VWA5B1: variants seen among roughly 807,000 people sequenced by gnomAD.
VWA5B1 encodes von Willebrand factor A domain containing 5B1.
A neutral mutation model predicts 118.2 loss-of-function variants in VWA5B1; 115 were observed. The ratio of observed to expected loss-of-function variants is 0.97; its 90% CI spans 0.84 to 1.14. VWA5B1 has a LOEUF of 1.14. Ranked by LOEUF, VWA5B1 falls within the 50% of genes most tolerant of loss-of-function variation. VWA5B1 has a pLI of 0.00. For missense variants in VWA5B1, 1,596 were observed against 1,603.8 expected, an observed-to-expected ratio of 1.00 and a Z score of 0.08; for synonymous variants, 682 against 658.4, an observed-to-expected ratio of 1.04 and a Z score of -0.55.
chr1:20,320,380 G>A (rs1388499129), intron 7 of VWA5B1, among the ~76,000 whole-genome samples: 1 of 152,236 alleles, frequency 6.6e-6, no homozygotes. Context: ...GGCAAGGTGG[G>A]GAAGTGGACA....
intron 16 of VWA5B1, among the ~76,000 whole-genome samples, 152 bp downstream of exon 16, chr1:20,343,545 C>T (rs1360072642): frequency 6.8e-6 from 1 of 147,778 alleles, no homozygotes; most frequent in African/African-American, 2.5e-5. Flanking sequence ...CCACCCCCTC[C>T]TCACAGCCCC....
chr1:20,343,188 G>A lies in VWA5B1; in HGVS notation c.2421G>A (p.Pro807=), dbSNP rs1164502634. 3.9e-6 allele frequency: 6 copies of A among 1,549,358 alleles called. No homozygotes were observed. The highest frequency in any genetic ancestry group is 2.4e-5 in the South Asian group (2 of 84,000). Residue 807 remains proline, a synonymous_variant, in exon 16 of 22, where the codon CCG becomes CCA. Coordinates refer to ENST00000289815, the MANE Select transcript of VWA5B1 (RefSeq NM_001039500.3). ...ASPSRPATPA[P]VLGKALVKGL... is the part of the protein sequence containing the mutation. ...CCAGCAGGCCCGCCACCCCGGCCCC[G>A]GTGCTGGGCAAGGCCCTGGTCAAAG...
chr1:20,319,037 G>A (rs973255623), intron 6 of VWA5B1, among the ~76,000 whole-genome samples: 5 of 152,198 alleles, frequency 3.3e-5, no homozygotes, highest in African/African-American at 1.2e-4. Flanking sequence ...TGATACCCTG[G>A]AAATTCTGTA....
intron 7 of VWA5B1, among the ~76,000 whole-genome samples, chr1:20,320,603 T>C (rs2100878614): frequency 6.6e-6 from 1 of 152,346 alleles, no homozygotes; most frequent in South Asian, 2.1e-4. Context: ...CCTTAAATAA[T>C]TGGCTCGGGG....
At chr1:20,299,514 G>A (rs559430068) in intron 1 of VWA5B1, among the ~76,000 whole-genome samples, 95 of 152,188 alleles carry the variant, frequency 6.2e-4, no homozygotes, top group African/African-American at 2.2e-3. Flanking sequence ...AGCGATTCTC[G>A]TGCCTTAGCC....
intron 1 of VWA5B1, chr1:20,303,031 G>C (rs1208128617): frequency 6.6e-6 from 1 of 152,220 alleles, no homozygotes; most frequent in Non-Finnish European, 1.5e-5. Flanking sequence ...CAGAATTCTA[G>C]AAGGTTAGGA....
At chr1:20,351,063 C>A in intron 20 of VWA5B1, 137 bp downstream of exon 20, 1 of 752,796 alleles carries the variant, frequency 1.3e-6, no homozygotes, top group Non-Finnish European at 2.2e-6. Flanking sequence ...GAAGGCACTC[C>A]TGCCCAGAGC....
intron 1 of VWA5B1, among the ~76,000 whole-genome samples, chr1:20,299,181 C>G (rs1381846055): frequency 6.6e-6 from 1 of 152,186 alleles, no homozygotes; most frequent in Admixed American, 6.5e-5. Context: ...ACCCTGCCTC[C>G]TTAAACCTGG....
rs1322056739 is a variant in VWA5B1 at position 20,310,648 on chromosome 1, C to A, written c.47C>A (p.Thr16Asn). Residue 16 changes from threonine to asparagine, a missense_variant, in exon 2 of 22, where the codon ACC becomes AAC. Transcript: ENST00000289815. ...NWITGAALPLTASDVTSCVSG... is the reference protein window; with the variant it reads ...NWITGAALPLNASDVTSCVSG... ...ATCACGGGGGCAGCCCTGCCCCTCA[C>A]CGCGTCTGATGTTACCTCCTGTGTC... The A allele has an allele frequency of 1.3e-6, 2 of 1,550,590 alleles. No individual in the cohort carries two copies. Among genetic ancestry groups the A allele is most frequent in the Non-Finnish European group, 1.7e-6 (2 of 1,146,600 alleles).
intron 4 of VWA5B1, among the ~76,000 whole-genome samples, chr1:20,315,887 T>C (rs1456950611): frequency 6.6e-6 from 1 of 152,214 alleles, no homozygotes; most frequent in Non-Finnish European, 1.5e-5. Flanking sequence ...TTGTAAGTGT[T>C]GCCAGTGATG....
chr1:20,319,544 G>C (rs1385598677), intron 7 of VWA5B1, 38 bp downstream of exon 7: 1 of 1,549,702 alleles, frequency 6.5e-7, no homozygotes, highest in Non-Finnish European at 8.7e-7. Flanking sequence ...CGGTGGCAGA[G>C]TTGGGGTGGC....
intron 1 of VWA5B1, chr1:20,303,184 A>T (rs2088545594): frequency 6.6e-6 from 1 of 152,172 alleles, no homozygotes. Flanking sequence ...GCTGGAGATA[A>T]GAAAAGAAGC....
intron 2 of VWA5B1, 70 bp from the exon 3 acceptor site, chr1:20,312,766 G>A: frequency 6.9e-7 from 1 of 1,459,588 alleles, no homozygotes; most frequent in East Asian, 2.6e-5. Context: ...AAGGGTTCAG[G>A]TTCCTTCCAG....
chr1:20,319,331 C>G, intron 6 of VWA5B1, 51 bp from the exon 7 acceptor site: 1 of 1,544,786 alleles, frequency 6.5e-7, no homozygotes, highest in South Asian at 1.2e-5. Context: ...CCCCAGCATC[C>G]TTCTCCTACG....
intron 12 of VWA5B1, among the ~76,000 whole-genome samples, chr1:20,333,456 G>T (rs1009532171): frequency 6.6e-6 from 1 of 152,198 alleles, no homozygotes; most frequent in Non-Finnish European, 1.5e-5. Context: ...CAGCCTGGGC[G>T]ACAGAGCGAG....
At position 20,357,650 on chromosome 1, in the gene VWA5B1, A is replaced by C. The variant is rs908294343; in HGVS notation, c.*3387A>C. ...GAGGTGCTGTCCCTGTCCTTTTTGG[A>C]GCTTGGCAAGGAGCATTTGAAGAGT... On this transcript the variant is annotated 3_prime_UTR_variant, in exon 22 of 22. Transcript: ENST00000289815. 1.3e-5 allele frequency among the ~76,000 whole-genome samples: 2 copies of C among 152,012 alleles called. No homozygotes were observed. The highest frequency in any genetic ancestry group is 4.8e-5 in the African/African-American group (2 of 41,382).
chr1:20,351,577 G>A (rs892826731), intron 20 of VWA5B1, among the ~76,000 whole-genome samples: 3 of 152,118 alleles, frequency 2.0e-5, no homozygotes, highest in African/African-American at 7.2e-5. Context: ...ACTTGGACCC[G>A]GGAGGCAGAG....
intron 18 of VWA5B1, chr1:20,349,371 T>TTTTA (rs10667083): frequency 0.17 from 24,829 of 149,022 alleles, 2,287 homozygotes; most frequent in East Asian, 0.31. Flanking sequence ...AAATCCTTTA[T>TTTTA]TTTATTTATT....
In VWA5B1 at chr1:20,359,092, G is replaced by A. The variant is rs60356778; in HGVS notation, c.*4829G>A. ...AAATCTCCTTGGCTCAGGGCCAGCCGTTTTGAGCTTACAGCCACGTCCCAA... is the reference window on the plus strand; with the variant it reads ...AAATCTCCTTGGCTCAGGGCCAGCCATTTTGAGCTTACAGCCACGTCCCAA... On this transcript the variant is annotated 3_prime_UTR_variant, in exon 22 of 22. Coordinates refer to ENST00000289815, the MANE Select transcript of VWA5B1 (RefSeq NM_001039500.3). Among the ~76,000 whole-genome samples the A allele has an allele frequency of 1.9e-3, 284 of 152,340 alleles. 2 individuals are homozygous for A. Among genetic ancestry groups the A allele is most frequent in the African/African-American group, 6.5e-3 (271 of 41,576 alleles).
Sources: allele counts gnomAD v4.1 joint callset (sites outside exome capture counted in the v4.1 genomes callset), GRCh38; gene constraint gnomAD v4.1.1; transcripts MANE v1.5; gene names NCBI Gene and HGNC (gene_info 2026-07-23, HGNC 2026-07-21).